Variants in LHFPL3 observed in about 807,000 individuals in gnomAD.
LHFPL3 encodes LHFPL tetraspan subfamily member 3 protein.
In LHFPL3, 5 loss-of-function variants were observed where a neutral mutation model predicts 19.3. The ratio of observed to expected loss-of-function variants is 0.26; its 90% CI spans 0.14 to 0.54. LHFPL3 has a LOEUF of 0.54. Among genes scored for constraint, LHFPL3 ranks in the 20% least tolerant of loss-of-function variants. LHFPL3 has a pLI of 0.94. For synonymous variants in LHFPL3, 133 were observed against 126.2 expected (o/e 1.05, Z -0.36); for missense variants, 249 against 307.4 (o/e 0.81, Z 1.42).
At chr7:104,697,828 G>A (rs1272204595) in intron 1 of LHFPL3, among the ~76,000 whole-genome samples, 1 of 152,220 alleles carries the variant, frequency 6.6e-6, no homozygotes, top group Non-Finnish European at 1.5e-5. Flanking sequence ...GCAACAGAGA[G>A]AACACTCAGG....
At chr7:104,343,966 T>C (rs1790013444) in intron 1 of LHFPL3, among the ~76,000 whole-genome samples, 1 of 152,168 alleles carries the variant, frequency 6.6e-6, no homozygotes. Context: ...TTTTAATATT[T>C]CACCATTTAG....
intron 1 of LHFPL3, among the ~76,000 whole-genome samples, chr7:104,384,257 AAAGAT>A (rs1204447570): frequency 6.6e-6 from 1 of 152,212 alleles, no homozygotes; most frequent in Non-Finnish European, 1.5e-5. Context: ...AGAATTAAAG[AAAGAT>A]AAAAGACTAG....
chr7:104,424,838 C>T (rs1020676037), intron 1 of LHFPL3, among the ~76,000 whole-genome samples: 5 of 151,788 alleles, frequency 3.3e-5, no homozygotes, highest in Non-Finnish European at 5.9e-5. Flanking sequence ...AAAAATTAGC[C>T]GGGCGTGGTG....
intron 1 of LHFPL3, among the ~76,000 whole-genome samples, chr7:104,343,095 G>C (rs1789989283): frequency 6.6e-6 from 1 of 150,674 alleles, no homozygotes; most frequent in African/African-American, 2.5e-5. Context: ...AGCTATTCAA[G>C]AAATGGAATG....
intron 2 of LHFPL3, among the ~76,000 whole-genome samples, chr7:104,806,247 T>C (rs772628023): frequency 6.6e-6 from 1 of 152,250 alleles, no homozygotes; most frequent in Non-Finnish European, 1.5e-5. Context: ...TCATTCATAC[T>C]TAGGTTTCAA....
chr7:104,360,945 C>T (rs1000372491), intron 1 of LHFPL3, among the ~76,000 whole-genome samples: 1 of 152,170 alleles, frequency 6.6e-6, no homozygotes, highest in African/African-American at 2.4e-5. Context: ...CATGCAAAAG[C>T]GGAGCTAAGA....
chr7:104,630,998 A>G (rs1380268673), intron 1 of LHFPL3, among the ~76,000 whole-genome samples: 1 of 152,146 alleles, frequency 6.6e-6, no homozygotes, highest in East Asian at 1.9e-4. Flanking sequence ...CCATACTGGT[A>G]GAACTTGCTA....
At chr7:104,588,701 C>T (rs1300587640) in intron 1 of LHFPL3, among the ~76,000 whole-genome samples, 1 of 152,136 alleles carries the variant, frequency 6.6e-6, no homozygotes, top group Non-Finnish European at 1.5e-5. Flanking sequence ...TATAAATTAC[C>T]TTGGGCAGTA....
intron 1 of LHFPL3, among the ~76,000 whole-genome samples, chr7:104,414,688 A>C (rs1244484293): frequency 1.3e-5 from 2 of 152,262 alleles, no homozygotes; most frequent in African/African-American, 4.8e-5. Context: ...TAGATGGTAC[A>C]AACAAGGCCT....
chr7:104,609,874 C>T (rs1349344736), intron 1 of LHFPL3, among the ~76,000 whole-genome samples: 1 of 152,140 alleles, frequency 6.6e-6, no homozygotes, highest in African/African-American at 2.4e-5. Context: ...TCAGTGGAGA[C>T]GTTAGGGACT....
At chr7:104,632,638 A>G (rs7803057) in intron 1 of LHFPL3, among the ~76,000 whole-genome samples, 27,071 of 152,236 alleles carry the variant, frequency 0.18, 2,948 homozygotes, top group Non-Finnish European at 0.25. Flanking sequence ...GCACCATGTT[A>G]GATGTTAAAT....
chr7:104,534,275 A>G (rs1246613090), intron 1 of LHFPL3, among the ~76,000 whole-genome samples: 1 of 152,160 alleles, frequency 6.6e-6, no homozygotes, highest in Non-Finnish European at 1.5e-5. Flanking sequence ...AAAGACATAG[A>G]TTTTGGCATC....
intron 1 of LHFPL3, among the ~76,000 whole-genome samples, chr7:104,611,927 G>T (rs1200590146): frequency 6.6e-6 from 1 of 152,222 alleles, no homozygotes; most frequent in Non-Finnish European, 1.5e-5. Flanking sequence ...GAGGCTCTTT[G>T]GGTGTCTGTC....
At chr7:104,838,029 T>C (rs187079873) in intron 2 of LHFPL3, among the ~76,000 whole-genome samples, 3 of 152,332 alleles carry the variant, frequency 2.0e-5, no homozygotes, top group Non-Finnish European at 2.9e-5. Flanking sequence ...AGACTTAGTA[T>C]GGAATTGCTC....
At chr7:104,752,811 T>C (rs928938154) in intron 2 of LHFPL3, 31 of 392,808 alleles carry the variant, frequency 7.9e-5, no homozygotes, top group Non-Finnish European at 1.1e-4. Context: ...AGCCTCCACG[T>C]TGGGCACCAG....
At chr7:104,697,363 CA>C (rs1793016639) in intron 1 of LHFPL3, among the ~76,000 whole-genome samples, 1 of 152,142 alleles carries the variant, frequency 6.6e-6, no homozygotes, top group Non-Finnish European at 1.5e-5. Flanking sequence ...TGAGAACCTG[CA>C]ATCTATTTTA....
intron 2 of LHFPL3, among the ~76,000 whole-genome samples, chr7:104,811,385 G>T (rs1028553366): frequency 2.6e-5 from 4 of 151,868 alleles, no homozygotes; most frequent in Admixed American, 2.6e-4. Flanking sequence ...TTTTTTTGTA[G>T]AGATGAGGTC....
chr7:104,360,637 G>T (rs1476382752), intron 1 of LHFPL3, among the ~76,000 whole-genome samples: 2 of 150,864 alleles, frequency 1.3e-5, no homozygotes, highest in South Asian at 4.2e-4. Context: ...TATATTTTCA[G>T]CTTTAGGGAG....
At chr7:104,656,328 G>T (rs1792120366) in intron 1 of LHFPL3, among the ~76,000 whole-genome samples, 1 of 152,108 alleles carries the variant, frequency 6.6e-6, no homozygotes, top group African/African-American at 2.4e-5. Flanking sequence ...GCCTAGTGAG[G>T]CCTGAGGAGG....
Sources: gnomAD v4.1 joint callset for allele counts (sites outside exome capture counted in the v4.1 genomes callset) on GRCh38, gnomAD v4.1.1 for gene constraint, MANE v1.5 for transcripts, NCBI Gene and HGNC (gene_info 2026-07-23, HGNC 2026-07-21) for gene names.